The following SORL1 variants were observed in gnomAD, a reference collection of about 807,000 sequenced individuals.
The protein encoded by SORL1 is sortilin-related receptor.
SORL1 carries 127 observed loss-of-function variants against 273.7 expected under a neutral mutation model. The ratio of observed to expected loss-of-function variants is 0.46; its 90% CI spans 0.40 to 0.54. The LOEUF (loss-of-function observed/expected upper bound fraction) is 0.54, where lower values mean the gene tolerates loss of function less well. Ranked by LOEUF, SORL1 falls within the 20% of genes least tolerant of loss-of-function variation. The pLI, the probability that SORL1 is intolerant of heterozygous loss-of-function variation, is 0.00. For synonymous variants in SORL1, 1,031 were observed against 1,067.4 expected, an observed-to-expected ratio of 0.97 and a Z score of 0.66; for missense variants, 2,494 against 2,846.1, an observed-to-expected ratio of 0.88 and a Z score of 2.81.
rs200545834 is a variant in SORL1 at position 121,478,264 on chromosome 11, C to A, written c.528+21C>A. 135 of 1,611,130 alleles carry A rather than the reference C, an allele frequency of 8.4e-5. No individual in the cohort carries two copies. In the African/African-American group the frequency reaches 1.6e-3, roughly 19 times the overall value. ...AGCGGGTAAGGAAGTGGCCATCCCT[C>A]CTGTCCCGACTTCATGGGACTGGGT... On this transcript the variant is annotated intron_variant, in intron 3 of 47. Coordinates refer to ENST00000260197, the MANE Select transcript of SORL1 (RefSeq NM_003105.6).
chr11:121,488,079 C>G lies in SORL1; in HGVS notation c.576C>G (p.Asp192Glu). ...CCCAGTACCTCTGGATCACGTTTGA[C>G]TTCTGCAACACTCTTCAAGGCTTTT... is the stretch of plus-strand genomic sequence containing the variant. ...AYAQYLWITF[D>E]FCNTLQGFSI... The change falls in exon 4 of 48, where the codon GAC (aspartate) becomes GAG (glutamate). Residue 192 changes from aspartate (D) to glutamate (E), a missense_variant. Asp to Glu is a conservative substitution (Grantham distance 45, BLOSUM62 2). Coordinates refer to ENST00000260197, the MANE Select transcript of SORL1 (RefSeq NM_003105.6). The G allele has an allele frequency of 6.2e-7, 1 of 1,614,188 alleles. No homozygotes were observed. The highest frequency in any genetic ancestry group is 1.1e-5 in the South Asian group (1 of 91,084).
intron 6 of SORL1, among the ~76,000 whole-genome samples, chr11:121,503,383 A>G (rs748162396): frequency 1.3e-4 from 20 of 152,012 alleles, no homozygotes; most frequent in Non-Finnish European, 2.6e-4. Flanking sequence ...ATTCTTTTGC[A>G]TGTGGATAAC....
intron 12 of SORL1, among the ~76,000 whole-genome samples, chr11:121,542,730 C>T (rs1187385917): frequency 6.6e-6 from 1 of 151,734 alleles, no homozygotes; most frequent in Non-Finnish European, 1.5e-5. Context: ...CATCCTGGCC[C>T]CAACACTTTC....
At position 121,629,619 on chromosome 11, in the gene SORL1, G is replaced by C; in HGVS notation, c.*56G>C. The C allele has an allele frequency of 1.2e-6, 1 of 854,622 alleles. No homozygotes were observed. The highest frequency in any genetic ancestry group is 2.0e-6 in the Non-Finnish European group (1 of 502,490). 52.9% of individuals were successfully genotyped at this position (854,622 alleles called of 1,614,324 possible). ...GTAAATATTTTATTTGATAAAGATA[G>C]TTGATGGTTTATTTTAAAAGATGCA... is the stretch of plus-strand genomic sequence containing the variant. On this transcript the variant is annotated 3_prime_UTR_variant, in exon 48 of 48. Transcript: ENST00000260197.
chr11:121,463,207 G>A (rs1229524897), intron 1 of SORL1, among the ~76,000 whole-genome samples: 2 of 152,094 alleles, frequency 1.3e-5, no homozygotes, highest in Admixed American at 6.5e-5. Context: ...TGCAAAAGGT[G>A]GCATTTCATT....
chr11:121,467,867 GGA>G (rs1418571573), intron 1 of SORL1, among the ~76,000 whole-genome samples: 13 of 152,172 alleles, frequency 8.5e-5, no homozygotes, highest in Non-Finnish European at 1.3e-4. Context: ...CTGGGAATGA[GGA>G]GAGACATTTT....
At chr11:121,610,223 A>G (rs1411591904) in intron 38 of SORL1, 1 of 152,146 alleles carries the variant, frequency 6.6e-6, no homozygotes, top group African/African-American at 2.4e-5. Context: ...ATATTTTCTG[A>G]TAATATTGAT....
intron 41 of SORL1, among the ~76,000 whole-genome samples, chr11:121,618,058 A>G (rs1056716250): frequency 1.3e-5 from 2 of 152,148 alleles, no homozygotes; most frequent in African/African-American, 2.4e-5. Context: ...TCTGTATTCC[A>G]GGCGACCAGA....
intron 28 of SORL1, 22 bp from the exon 29 acceptor site, chr11:121,589,237 T>C (rs759983338): frequency 6.2e-7 from 1 of 1,611,748 alleles, no homozygotes; most frequent in South Asian, 1.1e-5. Context: ...CTGGACTTCA[T>C]GGATGTTTGT....
chr11:121,601,526 G>A (rs1863390966), intron 32 of SORL1, among the ~76,000 whole-genome samples: 1 of 149,308 alleles, frequency 6.7e-6, no homozygotes, highest in African/African-American at 2.5e-5. Flanking sequence ...GTGTAAAAGT[G>A]TTCCTATTTC....
chr11:121,511,684 C>G lies in SORL1; in HGVS notation c.940-1319C>G, dbSNP rs1029262046. On this transcript the variant is annotated intron_variant, in intron 6 of 47. Transcript: ENST00000260197. Reference sequence around the variant, plus strand: ...CTCTGCCTGATTTCTTTAAAACAAACTACTTTTAACCATTTGTTCAGTGGT... The same window carrying G: ...CTCTGCCTGATTTCTTTAAAACAAAGTACTTTTAACCATTTGTTCAGTGGT... Among the ~76,000 whole-genome samples, 10 of 152,308 alleles carry G rather than the reference C, an allele frequency of 6.6e-5. No individual in the cohort carries two copies. In the South Asian group the frequency reaches 1.9e-3, roughly 28 times the overall value.
At chr11:121,471,004 C>T (rs938280775) in intron 2 of SORL1, among the ~76,000 whole-genome samples, 1 of 152,182 alleles carries the variant, frequency 6.6e-6, no homozygotes, top group Non-Finnish European at 1.5e-5. Context: ...AACACTCTAC[C>T]TCCTCAGAGA....
intron 3 of SORL1, among the ~76,000 whole-genome samples, chr11:121,484,784 C>G (rs1232057441): frequency 6.6e-6 from 1 of 152,132 alleles, no homozygotes; most frequent in African/African-American, 2.4e-5. Flanking sequence ...GACAGGGTCT[C>G]ACTTCATCAC....
At chr11:121,571,375 C>T (rs917024842) in intron 23 of SORL1, among the ~76,000 whole-genome samples, 3 of 152,240 alleles carry the variant, frequency 2.0e-5, no homozygotes, top group East Asian at 1.9e-4. Flanking sequence ...GAGTGGGCAG[C>T]GCCCAGGACA....
intron 6 of SORL1, 88 bp downstream of exon 6, chr11:121,497,137 C>T (rs1385032645): frequency 2.7e-6 from 3 of 1,113,362 alleles, no homozygotes; most frequent in Non-Finnish European, 3.9e-6. Context: ...AGTTTGCATA[C>T]ACAGGAATTG....
chr11:121,632,938 A>G lies in SORL1; in HGVS notation c.*3375A>G, dbSNP rs1226935719. 1 of 152,170 alleles carries G rather than the reference A, an allele frequency of 6.6e-6. No homozygotes were observed. Among genetic ancestry groups the G allele is most frequent in the Non-Finnish European group, 1.5e-5 (1 of 68,030 alleles). 9.4% of individuals were successfully genotyped at this position (152,170 alleles called of 1,614,324 possible). On this transcript the variant is annotated 3_prime_UTR_variant, in exon 48 of 48. Transcript: ENST00000260197. ...ATCCAGAGACATAACTAAACTGAAT[A>G]TCATCCCATATTGATTTTAGGAATT...
chr11:121,523,337 A>T (rs1862069739), intron 11 of SORL1, among the ~76,000 whole-genome samples: 2 of 152,160 alleles, frequency 1.3e-5, no homozygotes, highest in African/African-American at 4.8e-5. Context: ...ATGTATCAGC[A>T]AATTATAGCG....
chr11:121,602,539 G>C (rs1456762598), intron 32 of SORL1, among the ~76,000 whole-genome samples: 1 of 152,074 alleles, frequency 6.6e-6, no homozygotes, highest in Non-Finnish European at 1.5e-5. Flanking sequence ...TGACCATCCT[G>C]GTTGCTCTCA....
chr11:121,480,949 A>G (rs1861370040), intron 3 of SORL1, among the ~76,000 whole-genome samples: 3 of 124,618 alleles, frequency 2.4e-5, no homozygotes, highest in African/African-American at 3.2e-5. Context: ...CCCCTAGTGC[A>G]CAGATACCTA....
Sources: gnomAD v4.1 joint callset for allele counts (sites outside exome capture counted in the v4.1 genomes callset) on GRCh38, gnomAD v4.1.1 for gene constraint, MANE v1.5 for transcripts, NCBI Gene and HGNC (gene_info 2026-07-23, HGNC 2026-07-21) for gene names.